OLA1: variants seen among roughly 807,000 people sequenced by gnomAD.
OLA1 encodes obg-like ATPase 1.
In OLA1, 14 loss-of-function variants were observed where a neutral mutation model predicts 48.4. That is an observed-to-expected ratio of 0.29 (90% CI 0.19 to 0.45). The LOEUF is 0.45. Among genes scored for constraint, OLA1 ranks in the 20% least tolerant of loss-of-function variants. The pLI, the probability that OLA1 is intolerant of heterozygous loss-of-function variation, is 1.00. For synonymous variants in OLA1, 127 were observed against 150.4 expected, an observed-to-expected ratio of 0.84 and a Z score of 1.14; for missense variants, 325 against 467.1, an observed-to-expected ratio of 0.70 and a Z score of 2.80.
intron 4 of OLA1, among the ~76,000 whole-genome samples, chr2:174,147,202 G>A (rs1483982108): frequency 3.3e-5 from 5 of 151,988 alleles, no homozygotes; most frequent in East Asian, 1.9e-4. Context: ...CGAGGTGGGC[G>A]GATCACCTGA....
intron 4 of OLA1, among the ~76,000 whole-genome samples, chr2:174,203,665 C>T (rs1688042006): frequency 6.6e-6 from 1 of 151,842 alleles, no homozygotes; most frequent in Non-Finnish European, 1.5e-5. Flanking sequence ...TGATGGTTCC[C>T]CAGCTCCTCC....
At chr2:174,221,059 T>C (rs1168052708) in intron 4 of OLA1, among the ~76,000 whole-genome samples, 2 of 152,214 alleles carry the variant, frequency 1.3e-5, no homozygotes, top group East Asian at 3.8e-4. Context: ...AAATGTATCA[T>C]TCAGTGCTTT....
In OLA1 at chr2:174,123,677, T is replaced by G; in HGVS notation, c.550-2A>C. ...GGATTTTACTTTGCACATTATATCC[T>G]ACACATGATTGAGAAAAAGGTAAAT... On this transcript the variant is annotated splice_acceptor_variant, in intron 5 of 10. Transcript: ENST00000284719. LOFTEE classifies it high-confidence loss of function. 1 of 1,510,198 alleles carries G rather than the reference T, an allele frequency of 6.6e-7. No homozygotes were observed. Among genetic ancestry groups the G allele is most frequent in the Non-Finnish European group, 9.0e-7 (1 of 1,115,388 alleles). 93.5% of individuals were successfully genotyped at this position (1,510,198 alleles called of 1,614,324 possible). A position where few individuals can be genotyped will look rare whatever the true frequency, so the allele number is the denominator to read the frequency against.
At chr2:174,096,069 A>C (rs933785527) in intron 7 of OLA1, among the ~76,000 whole-genome samples, 2 of 152,240 alleles carry the variant, frequency 1.3e-5, no homozygotes, top group African/African-American at 4.8e-5. Flanking sequence ...GACAGACAAT[A>C]AGTAGTATAT....
At chr2:174,140,374 T>G (rs1020207344) in intron 5 of OLA1, among the ~76,000 whole-genome samples, 1 of 151,860 alleles carries the variant, frequency 6.6e-6, no homozygotes, top group Admixed American at 6.6e-5. Context: ...TCTTTCTTTT[T>G]TTTTTTTAAT....
intron 4 of OLA1, among the ~76,000 whole-genome samples, chr2:174,181,949 G>A (rs1243156347): frequency 1.3e-5 from 2 of 152,130 alleles, no homozygotes; most frequent in East Asian, 1.9e-4. Context: ...CACTTTGAGG[G>A]CACAGATTTT....
chr2:174,216,166 T>C (rs2119138), intron 4 of OLA1, among the ~76,000 whole-genome samples: 81,706 of 151,626 alleles, frequency 0.54, 22,623 homozygotes, highest in East Asian at 0.95. Context: ...AGCTGGGTAT[T>C]GTGGTGCACA....
intron 7 of OLA1, among the ~76,000 whole-genome samples, chr2:174,086,330 A>G (rs1206583614): frequency 6.6e-6 from 1 of 152,100 alleles, no homozygotes; most frequent in East Asian, 1.9e-4. Context: ...AGTTATCTAC[A>G]GCCTGGAAAC....
At chr2:174,129,826 T>C (rs1686136164) in intron 5 of OLA1, among the ~76,000 whole-genome samples, 1 of 152,194 alleles carries the variant, frequency 6.6e-6, no homozygotes, top group South Asian at 2.1e-4. Flanking sequence ...GATGGCTAAA[T>C]GGATAGACTT....
chr2:174,139,973 G>C (rs965845774), intron 5 of OLA1, among the ~76,000 whole-genome samples: 7 of 151,634 alleles, frequency 4.6e-5, no homozygotes, highest in African/African-American at 1.7e-4. Flanking sequence ...TAAAAAGTCA[G>C]CTCATGTTTC....
chr2:174,108,297 C>T (rs989091234), intron 7 of OLA1, among the ~76,000 whole-genome samples: 4 of 151,950 alleles, frequency 2.6e-5, no homozygotes, highest in African/African-American at 9.7e-5. Context: ...TAAACATAAG[C>T]AAGCAATATT....
intron 2 of OLA1, chr2:174,240,476 T>A (rs35735114): frequency 0.21 from 31,393 of 151,938 alleles, 3,465 homozygotes; most frequent in Non-Finnish European, 0.24. Context: ...AATTTTTTTT[T>A]AATTTAATCT....
chr2:174,114,341 C>CAAAAAAAAAAAAAA (rs76471043), intron 7 of OLA1, among the ~76,000 whole-genome samples: 2 of 60,646 alleles, frequency 3.3e-5, no homozygotes, highest in African/African-American at 8.9e-5. Flanking sequence ...GACTCCGCCT[C>CAAAAAAAAAAAAAA]AAAAAAAAAA....
At chr2:174,188,368 T>TAAA (rs1391745915) in intron 4 of OLA1, among the ~76,000 whole-genome samples, 1 of 136,620 alleles carries the variant, frequency 7.3e-6, no homozygotes, top group Non-Finnish European at 1.6e-5. Flanking sequence ...TCTTTCCTCC[T>TAAA]AAAAATAATA....
At position 174,233,456 on chromosome 2, in the gene OLA1, C is replaced by T. The variant is rs148919960; in HGVS notation, c.102-4005G>A. ...TGTCACGATCTCGGCTTACTGCAAC[C>T]TCCGCCTCCTGGGTTCAAGCGATTC... On this transcript the variant is annotated intron_variant, in intron 2 of 10. Transcript: ENST00000284719. Among the ~76,000 whole-genome samples the T allele has an allele frequency of 8.3e-4, 127 of 152,266 alleles. 1 individual carries two copies. The highest frequency in any genetic ancestry group is 2.9e-3 in the African/African-American group (122 of 41,534).
chr2:174,101,601 T>C (rs1685399964), intron 7 of OLA1, among the ~76,000 whole-genome samples: 1 of 152,232 alleles, frequency 6.6e-6, no homozygotes, highest in Admixed American at 6.5e-5. Flanking sequence ...GATATTCTTC[T>C]ATGTTTCAGT....
chr2:174,082,526 A>G (rs1415489498), intron 7 of OLA1, among the ~76,000 whole-genome samples: 1 of 152,172 alleles, frequency 6.6e-6, no homozygotes, highest in Non-Finnish European at 1.5e-5. Context: ...CCAGATATCT[A>G]TATGCCTGGT....
chr2:174,164,217 T>C (rs984128306), intron 4 of OLA1, among the ~76,000 whole-genome samples: 1 of 151,926 alleles, frequency 6.6e-6, no homozygotes, highest in African/African-American at 2.4e-5. Context: ...AATTACCCAG[T>C]CTCGGGTATT....
chr2:174,078,856 CTTTAT>C (rs1684803297), intron 10 of OLA1, 107 bp downstream of exon 10: 1 of 1,113,870 alleles, frequency 9.0e-7, no homozygotes, highest in Admixed American at 2.9e-5. Flanking sequence ...CATCTTATTA[CTTTAT>C]TTTAGACTAC....
Sources: allele counts gnomAD v4.1 joint callset (sites outside exome capture counted in the v4.1 genomes callset), GRCh38; gene constraint gnomAD v4.1.1; transcripts MANE v1.5; gene names NCBI Gene and HGNC (gene_info 2026-07-23, HGNC 2026-07-21).